Variants in VEZT observed in about 807,000 individuals in gnomAD.
VEZT encodes the protein vezatin.
A neutral mutation model predicts 79.9 loss-of-function variants in VEZT; 39 were observed. The ratio of observed to expected loss-of-function variants is 0.49; its 90% CI spans 0.38 to 0.64. The LOEUF is 0.64. Among genes scored for constraint, VEZT ranks in the 30% least tolerant of loss-of-function variants. The pLI, the probability that VEZT is intolerant of heterozygous loss-of-function variation, is 0.00. For missense variants in VEZT, 837 were observed against 893.1 expected (o/e 0.94, Z 0.80); for synonymous variants, 325 against 327.6 (o/e 0.99, Z 0.09).
intron 1 of VEZT, among the ~76,000 whole-genome samples, chr12:95,235,312 A>G (rs1593168610): frequency 8.6e-6 from 1 of 116,870 alleles, no homozygotes; most frequent in African/African-American, 3.3e-5. Flanking sequence ...TCCCTCCCGG[A>G]CGGGGCGGCT....
chr12:95,273,894 T>A (rs2067123500), intron 6 of VEZT, among the ~76,000 whole-genome samples: 1 of 152,174 alleles, frequency 6.6e-6, no homozygotes, highest in Admixed American at 6.5e-5. Flanking sequence ...TCACGATCAA[T>A]AATTATTTAG....
intron 1 of VEZT, among the ~76,000 whole-genome samples, chr12:95,243,561 C>T (rs1360546573): frequency 6.6e-6 from 1 of 152,152 alleles, no homozygotes; most frequent in Non-Finnish European, 1.5e-5. Context: ...AAGCAAATAT[C>T]AGACATTACC....
At chr12:95,219,585 A>C (rs937686832) in intron 1 of VEZT, among the ~76,000 whole-genome samples, 1 of 152,176 alleles carries the variant, frequency 6.6e-6, no homozygotes, top group Non-Finnish European at 1.5e-5. Flanking sequence ...TCATAATATA[A>C]CCTTTTTTTA....
intron 11 of VEZT, among the ~76,000 whole-genome samples, chr12:95,298,604 G>A (rs1445814819): frequency 6.6e-6 from 1 of 152,168 alleles, no homozygotes; most frequent in African/African-American, 2.4e-5. Flanking sequence ...GTTTACTGCT[G>A]TATCCCTAGC....
chr12:95,269,828 C>G, intron 5 of VEZT: 1 of 379,936 alleles, frequency 2.6e-6, no homozygotes, highest in Non-Finnish European at 4.5e-6. Context: ...AATTTTTTGT[C>G]TTTTTTTTAG....
chr12:95,238,788 G>A (rs1460146562), intron 1 of VEZT, among the ~76,000 whole-genome samples: 1 of 152,062 alleles, frequency 6.6e-6, no homozygotes, highest in Admixed American at 6.6e-5. Flanking sequence ...CAGTAATCAA[G>A]TTATTTTGAT....
intron 1 of VEZT, among the ~76,000 whole-genome samples, chr12:95,247,510 G>A (rs879352654): frequency 6.6e-5 from 10 of 151,938 alleles, no homozygotes; most frequent in Non-Finnish European, 1.3e-4. Flanking sequence ...AACATATGTT[G>A]TTTAACATTG....
chr12:95,294,168 T>G, intron 9 of VEZT, 104 bp from the exon 10 acceptor site: 14 of 899,888 alleles, frequency 1.6e-5, no homozygotes, highest in Non-Finnish European at 2.2e-5. Context: ...ATTACAGGCA[T>G]GAGCCACCAC....
At chr12:95,236,171 G>A (rs947727671) in intron 1 of VEZT, among the ~76,000 whole-genome samples, 7 of 152,312 alleles carry the variant, frequency 4.6e-5, no homozygotes, top group Admixed American at 3.3e-4. Context: ...CTGCAATCAC[G>A]GCACCTTGGG....
At chr12:95,258,693 A>G (rs2063858916) in intron 3 of VEZT, among the ~76,000 whole-genome samples, 1 of 152,198 alleles carries the variant, frequency 6.6e-6, no homozygotes, top group Non-Finnish European at 1.5e-5. Flanking sequence ...AATTAAAAAA[A>G]TCCTTTATAG....
At chr12:95,286,672 G>A (rs923211646) in intron 8 of VEZT, 4 of 393,914 alleles carry the variant, frequency 1.0e-5, no homozygotes, top group East Asian at 6.3e-5. Flanking sequence ...CCAAAGTATT[G>A]TCAGCATCTG....
intron 3 of VEZT, among the ~76,000 whole-genome samples, chr12:95,257,576 GA>G (rs2063665246): frequency 6.6e-6 from 1 of 152,166 alleles, no homozygotes; most frequent in African/African-American, 2.4e-5. Flanking sequence ...TTAAATCACA[GA>G]ATTTCCCAAA....
At chr12:95,260,618 G>A (rs1336395243) in intron 3 of VEZT, among the ~76,000 whole-genome samples, 1 of 152,118 alleles carries the variant, frequency 6.6e-6, no homozygotes, top group African/African-American at 2.4e-5. Context: ...GTCAGCTTTA[G>A]CCTTCAACTC....
intron 1 of VEZT, chr12:95,244,015 CTTCT>C (rs1566060085): frequency 2.2e-6 from 1 of 455,814 alleles, no homozygotes; most frequent in African/African-American, 2.0e-5. Context: ...GCTAAGTAAG[CTTCT>C]TTCTTTATAA....
At chr12:95,258,011 A>G (rs1593531806) in intron 3 of VEZT, among the ~76,000 whole-genome samples, 1 of 152,208 alleles carries the variant, frequency 6.6e-6, no homozygotes, top group East Asian at 1.9e-4. Flanking sequence ...GTTCAGCTAG[A>G]AAGTGATAGA....
intron 9 of VEZT, among the ~76,000 whole-genome samples, chr12:95,288,970 T>G (rs2139575254): frequency 6.6e-6 from 1 of 152,056 alleles, no homozygotes; most frequent in South Asian, 2.1e-4. Context: ...ACCCAGCTTC[T>G]CAGGAGGCTG....
At chr12:95,292,407 G>A (rs1566316033) in intron 9 of VEZT, among the ~76,000 whole-genome samples, 1 of 152,068 alleles carries the variant, frequency 6.6e-6, no homozygotes, top group African/African-American at 2.4e-5. Context: ...CACCATTGAT[G>A]TAATGAAATC....
At chr12:95,286,035 C>T (rs905941886) in intron 8 of VEZT, among the ~76,000 whole-genome samples, 4 of 140,244 alleles carry the variant, frequency 2.9e-5, no homozygotes, top group African/African-American at 1.1e-4. Flanking sequence ...CTCTGTTGCC[C>T]AGGCTGGAGT....
In VEZT at chr12:95,252,063, C is replaced by G; in HGVS notation, c.160C>G (p.Leu54Val). ...EGQQKPPTRVLPKQGILLKVA... is the reference protein window; with the variant it reads ...EGQQKPPTRVVPKQGILLKVA... ...ACAACAAAAGCCTCCTACAAGAGTC[C>G]TACCAAAAGTAAGAACGCATGCTCA... Residue 54 changes from leucine (L) to valine (V), a missense_variant, in exon 2 of 12, where the codon CTA (leucine) becomes GTA (valine). By Grantham distance (32) the Leu-to-Val change is conservative (BLOSUM62 1). Coordinates refer to ENST00000436874, the MANE Select transcript of VEZT (RefSeq NM_017599.4). 6.2e-7 allele frequency: 1 copy of G among 1,603,978 alleles called. No individual in the cohort carries two copies. The highest frequency in any genetic ancestry group is 1.1e-5 in the South Asian group (1 of 88,638).
Sources: gnomAD v4.1 joint callset for allele counts (sites outside exome capture counted in the v4.1 genomes callset) on GRCh38, gnomAD v4.1.1 for gene constraint, MANE v1.5 for transcripts, NCBI Gene and HGNC (gene_info 2026-07-23, HGNC 2026-07-21) for gene names.